CNTNAP2: variants seen among roughly 807,000 people sequenced by gnomAD.
CNTNAP2 encodes the protein contactin-associated protein-like 2.
CNTNAP2 carries 98 observed loss-of-function variants against 155.2 expected under a neutral mutation model. That is an observed-to-expected ratio of 0.63 (90% CI 0.54 to 0.75). The LOEUF (loss-of-function observed/expected upper bound fraction) is 0.75. Among genes scored for constraint, CNTNAP2 ranks in the 30% least tolerant of loss-of-function variants. The pLI is 0.00. For missense variants in CNTNAP2, 1,727 were observed against 1,688.1 expected (o/e 1.02, Z -0.40); for synonymous variants, 651 against 631.2 (o/e 1.03, Z -0.47).
chr7:148,129,439 C>T (rs552774196), intron 16 of CNTNAP2, among the ~76,000 whole-genome samples: 1 of 151,984 alleles, frequency 6.6e-6, no homozygotes, highest in South Asian at 2.1e-4. Flanking sequence ...GGAGGGGGTG[C>T]AAAGGAACTT....
intron 13 of CNTNAP2, among the ~76,000 whole-genome samples, chr7:147,697,198 G>A (rs1055205658): frequency 1.1e-4 from 17 of 152,232 alleles, no homozygotes; most frequent in South Asian, 2.1e-4. Context: ...TGTTAACAGC[G>A]TTTTTATTCC....
At chr7:146,615,183 C>A (rs1211487242) in intron 1 of CNTNAP2, among the ~76,000 whole-genome samples, 1 of 152,134 alleles carries the variant, frequency 6.6e-6, no homozygotes, top group Admixed American at 6.6e-5. Flanking sequence ...AATATTTTCT[C>A]TTATAAGGAC....
chr7:146,396,635 CACAA>C (rs1584905581), intron 1 of CNTNAP2, among the ~76,000 whole-genome samples: 1 of 151,344 alleles, frequency 6.6e-6, no homozygotes, highest in East Asian at 1.9e-4. Flanking sequence ...ATTATTATTA[CACAA>C]ACATTTTGCT....
At chr7:146,688,096 A>G (rs904144698) in intron 1 of CNTNAP2, among the ~76,000 whole-genome samples, 1 of 152,192 alleles carries the variant, frequency 6.6e-6, no homozygotes, top group South Asian at 2.1e-4. Context: ...TTGACCCCAC[A>G]TGGAGAGGGA....
chr7:148,127,894 C>G (rs375749084), intron 16 of CNTNAP2, among the ~76,000 whole-genome samples: 2 of 152,196 alleles, frequency 1.3e-5, no homozygotes, highest in East Asian at 3.9e-4. Context: ...TATTTAGAGG[C>G]AGGGCCTCTC....
At chr7:146,521,310 T>C (rs2129137461) in intron 1 of CNTNAP2, among the ~76,000 whole-genome samples, 1 of 152,086 alleles carries the variant, frequency 6.6e-6, no homozygotes, top group East Asian at 1.9e-4. Context: ...CTTTACTTAC[T>C]AAACAGGTGG....
chr7:147,326,506 T>C (rs1314409716), intron 9 of CNTNAP2, among the ~76,000 whole-genome samples: 2 of 152,226 alleles, frequency 1.3e-5, no homozygotes, highest in East Asian at 3.9e-4. Flanking sequence ...TATACAAATA[T>C]TTGTTTGAGC....
chr7:146,189,172 C>T (rs865962669), intron 1 of CNTNAP2, among the ~76,000 whole-genome samples: 3 of 152,208 alleles, frequency 2.0e-5, no homozygotes, highest in Non-Finnish European at 2.9e-5. Flanking sequence ...TAATGAAATT[C>T]GGACTTTGTT....
At chr7:146,131,118 T>C (rs1302831562) in intron 1 of CNTNAP2, among the ~76,000 whole-genome samples, 1 of 152,202 alleles carries the variant, frequency 6.6e-6, no homozygotes, top group Non-Finnish European at 1.5e-5. Flanking sequence ...TTTGAGAGTA[T>C]AACTGTAACC....
At chr7:146,711,779 TCTTATGTATACATATATAGTATACAC>T in intron 1 of CNTNAP2, among the ~76,000 whole-genome samples, 2 of 129,610 alleles carry the variant, frequency 1.5e-5, no homozygotes, top group Non-Finnish European at 3.5e-5. Flanking sequence ...AGTATACACA[TCTTATGTATACATATATAGTATACAC>T]ATCTTATGTA....
In CNTNAP2 at chr7:148,089,855, C is replaced by T. The variant is rs190291779; in HGVS notation, c.2384-28263C>T. ...GCAATTTTAAGCAACAGAGAGATAT[C>T]ACATGACCTGATTTTAAAACCTACC... On this transcript the variant is annotated intron_variant, in intron 15 of 23. Transcript: ENST00000361727. Among the ~76,000 whole-genome samples, 286 of 151,938 alleles carry T rather than the reference C, an allele frequency of 1.9e-3. 1 individual carries two copies. The highest frequency in any genetic ancestry group is 6.7e-3 in the African/African-American group (280 of 41,510).
chr7:147,903,868 A>G, intron 14 of CNTNAP2, 147 bp downstream of exon 14: 2 of 1,042,588 alleles, frequency 1.9e-6, no homozygotes, highest in Non-Finnish European at 2.9e-6. Context: ...GACAAATGTC[A>G]GGAACATACT....
At chr7:148,070,435 G>A (rs963934395) in intron 15 of CNTNAP2, among the ~76,000 whole-genome samples, 1 of 152,046 alleles carries the variant, frequency 6.6e-6, no homozygotes, top group African/African-American at 2.4e-5. Flanking sequence ...AAACAGTTTT[G>A]GGCTGGGCAC....
At chr7:147,509,683 G>T (rs1365877659) in intron 11 of CNTNAP2, among the ~76,000 whole-genome samples, 1 of 151,970 alleles carries the variant, frequency 6.6e-6, no homozygotes, top group Non-Finnish European at 1.5e-5. Context: ...GAAAGACTAG[G>T]TTCCCCAGTT....
intron 12 of CNTNAP2, among the ~76,000 whole-genome samples, chr7:147,636,570 T>A (rs931216435): frequency 2.0e-5 from 3 of 152,168 alleles, no homozygotes; most frequent in Admixed American, 2.0e-4. Context: ...ATCAGGTATT[T>A]GTCCTAATGC....
intron 8 of CNTNAP2, among the ~76,000 whole-genome samples, chr7:147,230,378 C>T (rs1215990169): frequency 6.6e-6 from 1 of 152,106 alleles, no homozygotes; most frequent in Non-Finnish European, 1.5e-5. Context: ...CTGCCTCAGC[C>T]TCCTGAGTAG....
intron 8 of CNTNAP2, among the ~76,000 whole-genome samples, chr7:147,137,914 TA>T (rs772532544): frequency 0.042 from 2,755 of 66,236 alleles, 28 homozygotes; most frequent in South Asian, 0.091. Flanking sequence ...GATAGATAGA[TA>T]GGTAGATAGA....
chr7:147,942,261 TCAG>T (rs924847227), intron 14 of CNTNAP2, among the ~76,000 whole-genome samples: 110 of 152,186 alleles, frequency 7.2e-4, no homozygotes, highest in Non-Finnish European at 2.2e-4. Context: ...GCTAACTGAA[TCAG>T]CAGCATGTCA....
chr7:146,182,917 T>C (rs1381575841), intron 1 of CNTNAP2, among the ~76,000 whole-genome samples: 1 of 152,186 alleles, frequency 6.6e-6, no homozygotes, highest in Admixed American at 6.6e-5. Flanking sequence ...CATCTTTCTA[T>C]GTCCTATTAA....
Sources: allele counts gnomAD v4.1 joint callset (sites outside exome capture counted in the v4.1 genomes callset), GRCh38; gene constraint gnomAD v4.1.1; transcripts MANE v1.5; gene names NCBI Gene and HGNC (gene_info 2026-07-23, HGNC 2026-07-21).